The following CERT1 variants were observed in gnomAD, a reference collection of about 807,000 sequenced individuals.
CERT1 encodes the protein ceramide transfer protein.
Under a neutral mutation model 87.9 loss-of-function variants are expected in CERT1, and 31 were observed. The observed-to-expected ratio is 0.35, with a 90% CI of 0.27 to 0.48. The LOEUF (loss-of-function observed/expected upper bound fraction) is 0.48. Ranked by LOEUF, CERT1 falls within the 20% of genes least tolerant of loss-of-function variation. The pLI, the probability that CERT1 is intolerant of heterozygous loss-of-function variation, is 0.99. For missense variants in CERT1, 487 were observed against 758.0 expected (o/e 0.64, Z 4.20); for synonymous variants, 289 against 250.9 (o/e 1.15, Z -1.44).
chr5:75,457,781 T>C (rs1765050192), intron 3 of CERT1, among the ~76,000 whole-genome samples: 1 of 151,738 alleles, frequency 6.6e-6, no homozygotes, highest in African/African-American at 2.4e-5. Flanking sequence ...TGTGTGTGTG[T>C]TTTGTGCTTG....
intron 2 of CERT1, among the ~76,000 whole-genome samples, chr5:75,491,815 G>A (rs148601372): frequency 7.9e-4 from 120 of 152,190 alleles, no homozygotes; most frequent in African/African-American, 2.7e-3. Flanking sequence ...TTTGGGATGC[G>A]GCTTACCACA....
At chr5:75,453,622 A>T (rs1206681394) in intron 3 of CERT1, among the ~76,000 whole-genome samples, 1 of 152,158 alleles carries the variant, frequency 6.6e-6, no homozygotes, top group East Asian at 1.9e-4. Flanking sequence ...TCTATGCCCC[A>T]ATTTCCTAAT....
intron 2 of CERT1, among the ~76,000 whole-genome samples, chr5:75,468,759 C>T (rs1561284872): frequency 3.3e-5 from 5 of 152,154 alleles, no homozygotes; most frequent in Non-Finnish European, 7.3e-5. Flanking sequence ...TTGCAACAGT[C>T]ATGGGCTTAG....
chr5:75,495,909 T>TA (rs1767040053), intron 2 of CERT1, among the ~76,000 whole-genome samples: 2 of 150,846 alleles, frequency 1.3e-5, no homozygotes, highest in African/African-American at 2.4e-5. Flanking sequence ...ACCCTAAAAC[T>TA]TAAAGTATAA....
chr5:75,424,385 T>C (rs1031003211), intron 5 of CERT1, among the ~76,000 whole-genome samples: 1 of 151,680 alleles, frequency 6.6e-6, no homozygotes, highest in East Asian at 1.9e-4. Context: ...ATTAAGACCA[T>C]CCTGGCCAAA....
At chr5:75,490,880 T>C (rs187984497) in intron 2 of CERT1, among the ~76,000 whole-genome samples, 9 of 152,316 alleles carry the variant, frequency 5.9e-5, no homozygotes, top group Middle Eastern at 3.4e-3. Context: ...TTCTTTCATC[T>C]CTTTGAGTAC....
At chr5:75,435,533 T>C (rs1388042253) in intron 3 of CERT1, among the ~76,000 whole-genome samples, 2 of 152,238 alleles carry the variant, frequency 1.3e-5, no homozygotes, top group Admixed American at 1.3e-4. Context: ...GTGCTAATTC[T>C]TTCTCAACTC....
At chr5:75,460,967 C>A (rs1015888704) in intron 2 of CERT1, among the ~76,000 whole-genome samples, 9 of 152,172 alleles carry the variant, frequency 5.9e-5, no homozygotes, top group Non-Finnish European at 1.2e-4. Context: ...CAATGCATAT[C>A]CTGCTTCAGT....
intron 6 of CERT1, among the ~76,000 whole-genome samples, chr5:75,418,355 C>G (rs1561248495): frequency 6.6e-6 from 1 of 152,014 alleles, no homozygotes; most frequent in Non-Finnish European, 1.5e-5. Context: ...GAAGACTGAC[C>G]ATATTAAGTG....
intron 2 of CERT1, among the ~76,000 whole-genome samples, chr5:75,492,013 T>G (rs1403698013): frequency 6.6e-6 from 1 of 152,146 alleles, no homozygotes. Flanking sequence ...GCACAACACA[T>G]GTCATAGTTG....
chr5:75,376,913 A>C (rs1580684972), downstream of CERT1: 2 of 152,322 alleles, frequency 1.3e-5, no homozygotes, highest in Middle Eastern at 3.4e-3. Context: ...ACTTGTTTAA[A>C]ATTATTTCAT....
chr5:75,434,653 T>A lies in CERT1; in HGVS notation c.349-8175A>T, dbSNP rs1362483999. Among the ~76,000 whole-genome samples the A allele has an allele frequency of 3.3e-5, 5 of 151,940 alleles. No homozygotes were observed. The South Asian group carries it at 8.3e-4, about 25-fold the overall frequency. ...TCTGATTGGTAGGTTTTTTTTTTTTTAATTACTGATTCCATTTCTGAACTT... is the reference window on the plus strand; with the variant it reads ...TCTGATTGGTAGGTTTTTTTTTTTTAAATTACTGATTCCATTTCTGAACTT... On this transcript the variant is annotated intron_variant, in intron 3 of 16. Transcript: ENST00000643780.
At chr5:75,463,190 G>A (rs558187969) in intron 2 of CERT1, among the ~76,000 whole-genome samples, 6 of 151,946 alleles carry the variant, frequency 3.9e-5, no homozygotes, top group East Asian at 3.9e-4. Context: ...AGATTAACAC[G>A]AATATATATT....
chr5:75,396,084 C>G (rs1762243253), intron 11 of CERT1, among the ~76,000 whole-genome samples: 1 of 152,112 alleles, frequency 6.6e-6, no homozygotes, highest in Non-Finnish European at 1.5e-5. Flanking sequence ...TTGATTATTT[C>G]AGCCAATTCA....
At chr5:75,447,625 C>T (rs994858475) in intron 3 of CERT1, among the ~76,000 whole-genome samples, 2 of 151,936 alleles carry the variant, frequency 1.3e-5, no homozygotes, top group African/African-American at 4.8e-5. Flanking sequence ...TGCCCACCAC[C>T]ACGCCCAGCT....
At chr5:75,472,093 T>C (rs1231486265) in intron 2 of CERT1, among the ~76,000 whole-genome samples, 1 of 152,160 alleles carries the variant, frequency 6.6e-6, no homozygotes, top group Admixed American at 6.5e-5. Flanking sequence ...CAGACCATTG[T>C]AATAGAATAG....
intron 14 of CERT1, among the ~76,000 whole-genome samples, chr5:75,383,979 G>A (rs1761686627): frequency 6.6e-6 from 1 of 152,132 alleles, no homozygotes; most frequent in Non-Finnish European, 1.5e-5. Flanking sequence ...TTATGTTTCT[G>A]TATGCTCTGG....
chr5:75,469,409 C>A (rs1033610913), intron 2 of CERT1, among the ~76,000 whole-genome samples: 11 of 151,944 alleles, frequency 7.2e-5, no homozygotes, highest in Non-Finnish European at 1.6e-4. Flanking sequence ...AGAATAAGAA[C>A]AGAAAACTTT....
rs574593539 is a variant in CERT1 at position 75,440,732 on chromosome 5, G to A, written c.349-14254C>T. Among the ~76,000 whole-genome samples the A allele has an allele frequency of 5.9e-5, 9 of 151,856 alleles. No homozygotes were observed. In the South Asian group the frequency reaches 1.9e-3, roughly 32 times the overall value. On this transcript the variant is annotated intron_variant, in intron 3 of 16. Coordinates refer to ENST00000643780, the MANE Select transcript of CERT1 (RefSeq NM_001379029.1). ...AAAGCTGAGTGTTACAAGTATACTA[G>A]AGAGGAAGAAGAGAGTAAGACATTG...
Sources: gnomAD v4.1 joint callset for allele counts (sites outside exome capture counted in the v4.1 genomes callset) on GRCh38, gnomAD v4.1.1 for gene constraint, MANE v1.5 for transcripts, NCBI Gene and HGNC (gene_info 2026-07-23, HGNC 2026-07-21) for gene names.